The following STX19 variants were observed in gnomAD, a reference collection of about 807,000 sequenced individuals.
STX19 encodes syntaxin-19.
Under a neutral mutation model 24.3 loss-of-function variants are expected in STX19, and 26 were observed. That is an observed-to-expected ratio of 1.07 (90% CI 0.78 to 1.48). The LOEUF is 1.48. Among genes scored for constraint, STX19 ranks in the 40% most tolerant of loss-of-function variants. The pLI, the probability that STX19 is intolerant of heterozygous loss-of-function variation, is 0.00. For synonymous variants in STX19, 116 were observed against 106.9 expected (o/e 1.09, Z -0.52); for missense variants, 367 against 331.9 (o/e 1.11, Z -0.82).
chr3:94,014,721 A>G lies in STX19; in HGVS notation c.549T>C (p.Asn183=), dbSNP rs1319192036. The G allele has an allele frequency of 6.2e-7, 1 of 1,613,078 alleles. No individual in the cohort carries two copies. The highest frequency in any genetic ancestry group is 1.1e-5 in the South Asian group (1 of 90,762). ...CCCATTTTCCTTGATGAAGCATATC[A>G]TTTACATCTTCTTCAGACATCTCTT... ...AGKEMSEEDV[N]DMLHQGKWEV... is the part of the protein sequence containing the mutation. The change falls in exon 2 of 2, where the codon AAT becomes AAC. Residue 183 remains asparagine, a synonymous_variant. Coordinates refer to ENST00000315099, the MANE Select transcript of STX19 (RefSeq NM_001001850.3).
chr3:94,015,098 G>C lies in STX19; in HGVS notation c.172C>G (p.Gln58Glu), dbSNP rs755447532. 3 of 1,613,646 alleles carry C rather than the reference G, an allele frequency of 1.9e-6. No homozygotes were observed. In the African/African-American group the frequency reaches 4.0e-5, roughly 22 times the overall value. Residue 58 changes from glutamine (Q) to glutamate (E), a missense_variant, in exon 2 of 2, where the codon CAG becomes GAG. Transcript: ENST00000315099. ...ERHLHEIQKL[Q>E]ESINNLADNV... ...TCTGCCAAATTGTTAATACTTTCCT[G>C]TAGTTTTTGGATTTCATGTAGGTGT...
In STX19 at chr3:94,014,480, T is replaced by A; in HGVS notation, c.790A>T (p.Thr264Ser). Residue 264 changes from threonine to serine, a missense_variant, in exon 2 of 2, where the codon ACT becomes TCT. Transcript: ENST00000315099. ...VNSTKEYVNN[T>S]KEKFGLAVKY... ...ACAGCTAGTCCAAATTTCTCTTTAGTATTGTTAACATACTCTTTTGTACTA... is the reference window on the plus strand; with the variant it reads ...ACAGCTAGTCCAAATTTCTCTTTAGAATTGTTAACATACTCTTTTGTACTA... 1 of 1,608,918 alleles carries A rather than the reference T, an allele frequency of 6.2e-7. No homozygotes were observed. The highest frequency in any genetic ancestry group is 8.5e-7 in the Non-Finnish European group (1 of 1,178,620).
chr3:94,024,736 C>G (rs1353081255), intron 1 of STX19, among the ~76,000 whole-genome samples: 1 of 152,042 alleles, frequency 6.6e-6, no homozygotes, highest in East Asian at 1.9e-4. Context: ...CAGTTGCATG[C>G]CACTGTGCTT....
intron 1 of STX19, among the ~76,000 whole-genome samples, chr3:94,026,074 C>T (rs2076551045): frequency 6.7e-6 from 1 of 149,222 alleles, no homozygotes; most frequent in Non-Finnish European, 1.5e-5. Flanking sequence ...GGCTGGAGTG[C>T]AGTGGCACCA....
intron 1 of STX19, among the ~76,000 whole-genome samples, chr3:94,019,544 T>C (rs2076404630): frequency 6.6e-6 from 1 of 152,090 alleles, no homozygotes; most frequent in Non-Finnish European, 1.5e-5. Flanking sequence ...CTCCTAAGTG[T>C]TCTCCTTGTT....
intron 1 of STX19, among the ~76,000 whole-genome samples, chr3:94,027,865 A>AT (rs1252581186): frequency 6.6e-6 from 1 of 152,018 alleles, no homozygotes; most frequent in African/African-American, 2.4e-5. Flanking sequence ...TTATTTTCTC[A>AT]TTTTTTCAAT....
chr3:94,015,357 A>G (rs1162558231), intron 1 of STX19, 75 bp from the exon 2 acceptor site: 4 of 1,164,690 alleles, frequency 3.4e-6, no homozygotes, highest in Non-Finnish European at 4.7e-6. Context: ...ACTTCACATA[A>G]CTGTCTATAT....
chr3:94,015,195 A>T lies in STX19; in HGVS notation c.75T>A (p.Thr25=), dbSNP rs2107490824. Residue 25 remains threonine, a synonymous_variant, in exon 2 of 2, where the codon ACT becomes ACA. Coordinates refer to ENST00000315099, the MANE Select transcript of STX19 (RefSeq NM_001001850.3). ...ACACCCCTTGTTCCTCTGTTTCTGT[A>T]GTTGATACATGACTGTCTCTAGAGA... ...IELSRDSHVS[T]TETEEQGVFL... 1 of 1,613,268 alleles carries T rather than the reference A, an allele frequency of 6.2e-7. No homozygotes were observed. Among genetic ancestry groups the T allele is most frequent in the Non-Finnish European group, 8.5e-7 (1 of 1,179,764 alleles).
At chr3:94,015,389 T>C in intron 1 of STX19, 107 bp from the exon 2 acceptor site, 1 of 778,110 alleles carries the variant, frequency 1.3e-6, no homozygotes. Context: ...TTCTCCTAGT[T>C]TTCTCAAATG....
At chr3:94,025,246 C>T (rs892847959) in intron 1 of STX19, among the ~76,000 whole-genome samples, 1 of 151,130 alleles carries the variant, frequency 6.6e-6, no homozygotes, top group Admixed American at 6.6e-5. Context: ...AATGAATTTA[C>T]AAGCAAAAAA....
At chr3:94,018,474 C>G (rs2076379992) in intron 1 of STX19, among the ~76,000 whole-genome samples, 2 of 151,846 alleles carry the variant, frequency 1.3e-5, no homozygotes, top group South Asian at 4.2e-4. Flanking sequence ...TTTTCTTTTT[C>G]CTGGCTACTC....
At position 94,020,936 on chromosome 3, in the gene STX19, C is replaced by T. The variant is rs181540256; in HGVS notation, c.-13-5654G>A. On this transcript the variant is annotated intron_variant, in intron 1 of 1. Coordinates refer to ENST00000315099, the MANE Select transcript of STX19 (RefSeq NM_001001850.3). ...GGAAGGAGATTCCATACGCCTCTTCCTCTGCATATTTTTATTGTCTATATT... is the reference window on the plus strand; with the variant it reads ...GGAAGGAGATTCCATACGCCTCTTCTTCTGCATATTTTTATTGTCTATATT... Among the ~76,000 whole-genome samples the T allele has an allele frequency of 1.4e-3, 206 of 152,110 alleles. 1 individual carries two copies. Among genetic ancestry groups the T allele is most frequent in the Admixed American group, 2.9e-3 (44 of 15,280 alleles).
intron 1 of STX19, among the ~76,000 whole-genome samples, chr3:94,016,156 G>A (rs2076329966): frequency 6.6e-6 from 1 of 151,814 alleles, no homozygotes. Flanking sequence ...TAAAATGAAG[G>A]GAATAAAAAG....
intron 1 of STX19, among the ~76,000 whole-genome samples, chr3:94,018,983 C>T (rs1348548458): frequency 6.6e-6 from 1 of 152,008 alleles, no homozygotes; most frequent in Non-Finnish European, 1.5e-5. Flanking sequence ...CCAGGCTGGT[C>T]GCAAACTCCT....
rs1559984531 is a variant in STX19 at position 94,014,368 on chromosome 3, GTT to G, written c.*15_*16del. ...ATCTTTTACCGTAAAGCTGGAAAAA[GTT>G]TTAAAATAGCTTCTTTATTTTGAGC... On this transcript the variant is annotated 3_prime_UTR_variant, in exon 2 of 2. Coordinates refer to ENST00000315099, the MANE Select transcript of STX19 (RefSeq NM_001001850.3). The G allele has an allele frequency of 6.6e-7, 1 of 1,511,330 alleles. No homozygotes were observed. Among genetic ancestry groups the G allele is most frequent in the Non-Finnish European group, 8.8e-7 (1 of 1,137,820 alleles). 93.6% of individuals were successfully genotyped at this position (1,511,330 alleles called of 1,614,324 possible).
At chr3:94,017,625 GGAA>G (rs2076359794) in intron 1 of STX19, among the ~76,000 whole-genome samples, 1 of 152,128 alleles carries the variant, frequency 6.6e-6, no homozygotes, top group African/African-American at 2.4e-5. Context: ...CTGTCCTTGA[GGAA>G]TTTATAATTT....
At chr3:94,027,604 T>C (rs1006110696) in intron 1 of STX19, among the ~76,000 whole-genome samples, 1 of 152,074 alleles carries the variant, frequency 6.6e-6, no homozygotes, top group Non-Finnish European at 1.5e-5. Flanking sequence ...AAAATACATA[T>C]AAAAGTCATT....
At chr3:94,020,459 G>T (rs747124392) in intron 1 of STX19, among the ~76,000 whole-genome samples, 1 of 152,074 alleles carries the variant, frequency 6.6e-6, no homozygotes, top group Non-Finnish European at 1.5e-5. Flanking sequence ...TAGCATACTA[G>T]AGCATAGTAA....
At chr3:94,021,101 A>G (rs1271432657) in intron 1 of STX19, among the ~76,000 whole-genome samples, 1 of 151,874 alleles carries the variant, frequency 6.6e-6, no homozygotes, top group Non-Finnish European at 1.5e-5. Flanking sequence ...ATTAGTCAGG[A>G]GGAATATTAG....
Sources: allele counts gnomAD v4.1 joint callset (sites outside exome capture counted in the v4.1 genomes callset), GRCh38; gene constraint gnomAD v4.1.1; transcripts MANE v1.5; gene names NCBI Gene and HGNC (gene_info 2026-07-23, HGNC 2026-07-21).